SLC35F2: variants seen among roughly 807,000 people sequenced by gnomAD.
SLC35F2 encodes the protein solute carrier family 35 member F2, also known as queuine/queuosine transporter SLC35F2.
SLC35F2 carries 25 observed loss-of-function variants against 38.1 expected under a neutral mutation model. The observed-to-expected ratio is 0.66, with a 90% CI of 0.48 to 0.92. The LOEUF is 0.92. Among genes scored for constraint, SLC35F2 ranks in the 40% least tolerant of loss-of-function variants. The pLI, the probability that SLC35F2 is intolerant of heterozygous loss-of-function variation, is 0.00. For synonymous variants in SLC35F2, 173 were observed against 181.7 expected (o/e 0.95, Z 0.38); for missense variants, 409 against 452.9 (o/e 0.90, Z 0.88).
At chr11:107,830,583 C>CAAAAAAAAAAAA (rs66495434) in intron 1 of SLC35F2, among the ~76,000 whole-genome samples, 1 of 95,734 alleles carries the variant, frequency 1.0e-5, no homozygotes, top group Non-Finnish European at 2.1e-5. Flanking sequence ...GACTCAGTCT[C>CAAAAAAAAAAAA]AAAAAAAAAA....
Position 107,805,471 on chromosome 11 carries a change from A to G in SLC35F2, c.619T>C (p.Ser207Pro). 1.2e-6 allele frequency: 2 copies of G among 1,614,060 alleles called. No homozygotes were observed. The highest frequency in any genetic ancestry group is 1.7e-6 in the Non-Finnish European group (2 of 1,180,004). The change falls in exon 5 of 8, where the codon TCC (serine) becomes CCC (proline). Residue 207 changes from serine to proline, a missense_variant. By Grantham distance (74) the Ser-to-Pro change is moderately conservative. Coordinates refer to ENST00000525815, the MANE Select transcript of SLC35F2 (RefSeq NM_017515.5). ...CAAACATTTGAAATGGCATAGAGGG[A>G]AGCCCCAAGAAGGACCAAGATGTCA... ...IGDILVLLGA[S>P]LYAISNVCEE...
At chr11:107,809,389 G>A (rs1859446486) in intron 3 of SLC35F2, among the ~76,000 whole-genome samples, 1 of 147,264 alleles carries the variant, frequency 6.8e-6, no homozygotes, top group Non-Finnish European at 1.5e-5. Context: ...AGCTACTCAG[G>A]AGGCCAAGGC....
chr11:107,800,982 A>G (rs1160479133), intron 7 of SLC35F2, among the ~76,000 whole-genome samples: 1 of 146,922 alleles, frequency 6.8e-6, no homozygotes, highest in Non-Finnish European at 1.5e-5. Flanking sequence ...TTGGTTCACT[A>G]CAACCTCTGC....
chr11:107,836,227 CTTTT>C (rs1167010257), intron 1 of SLC35F2, among the ~76,000 whole-genome samples: 1,890 of 107,992 alleles, frequency 0.018, 48 homozygotes, highest in African/African-American at 0.082. Flanking sequence ...TACATTTTTT[CTTTT>C]TCTTTTTTGT....
chr11:107,792,872 T>C, intron 7 of SLC35F2, 72 bp from the exon 8 acceptor site: 1 of 1,444,352 alleles, frequency 6.9e-7, no homozygotes, highest in African/African-American at 1.5e-5. Context: ...TTGCCAACTG[T>C]GCTTCGAGGA....
chr11:107,858,541 C>A (rs1333305051), intron 1 of SLC35F2, 117 bp downstream of exon 1: 8 of 964,056 alleles, frequency 8.3e-6, no homozygotes, highest in Non-Finnish European at 9.6e-6. Context: ...TCCGTGCGGC[C>A]GCCACCTCTG....
At position 107,815,916 on chromosome 11, in the gene SLC35F2, A is replaced by C. The variant is rs199933743; in HGVS notation, c.160T>G (p.Cys54Gly). Residue 54 changes from cysteine (C) to glycine (G), a missense_variant, in exon 2 of 8, where the codon TGT becomes GGT. Cys to Gly is a radical substitution (Grantham distance 159). Transcript: ENST00000525815. ...TACTGGCTGGTGATGGCTGTCCCAC[A>C]TATACACAAGGACAACATCTGACCC... Reference protein sequence around the residue: ...ALGQMLSLCICGTAITSQYLA... With the variant: ...ALGQMLSLCIGGTAITSQYLA... 3.5e-5 allele frequency: 57 copies of C among 1,614,008 alleles called. No homozygotes were observed. In the African/African-American group the frequency reaches 6.8e-4, roughly 19 times the overall value.
intron 1 of SLC35F2, among the ~76,000 whole-genome samples, chr11:107,842,849 A>T (rs991516350): frequency 2.0e-5 from 3 of 152,236 alleles, no homozygotes; most frequent in Non-Finnish European, 1.5e-5. Context: ...TCAACAGGAG[A>T]TCTGCATAAG....
chr11:107,833,644 T>A (rs1414952868), intron 1 of SLC35F2, among the ~76,000 whole-genome samples: 2 of 152,114 alleles, frequency 1.3e-5, no homozygotes, highest in Non-Finnish European at 2.9e-5. Context: ...GCTAACCATG[T>A]TCCCTCCTAC....
rs1426627296 is a variant in SLC35F2 at position 107,803,038 on chromosome 11, T to C, written c.902A>G (p.Tyr301Cys). ...VNLGILTADL[Y>C]SLFVGLFLFG... ...CAGAAAGAGTCCAACAAAAAGGCTG[T>C]AGAGGTCCGCTGTCAGGATGCCCAG... Residue 301 changes from tyrosine (Y) to cysteine (C), a missense_variant, in exon 7 of 8, where the codon TAC (tyrosine) becomes TGC (cysteine). Physicochemically the swap from Tyr to Cys is radical, Grantham distance 194 (BLOSUM62 -2). Coordinates refer to ENST00000525815, the MANE Select transcript of SLC35F2 (RefSeq NM_017515.5). The C allele has an allele frequency of 6.2e-7, 1 of 1,613,922 alleles. No individual in the cohort carries two copies.
intron 7 of SLC35F2, among the ~76,000 whole-genome samples, chr11:107,794,799 A>C (rs370325907): frequency 6.6e-6 from 1 of 152,248 alleles, no homozygotes. Context: ...TTATATCCAG[A>C]AAAACCTAAA....
chr11:107,848,279 G>C (rs1441414314), intron 1 of SLC35F2, among the ~76,000 whole-genome samples: 4 of 152,016 alleles, frequency 2.6e-5, no homozygotes, highest in Non-Finnish European at 2.9e-5. Flanking sequence ...AGAAGAAAAA[G>C]GAGAGAAGGG....
At chr11:107,849,638 T>C (rs1249815393) in intron 1 of SLC35F2, among the ~76,000 whole-genome samples, 1 of 49,640 alleles carries the variant, frequency 2.0e-5, no homozygotes, top group Non-Finnish European at 4.4e-5. Flanking sequence ...GACTCCGTTT[T>C]GGGAAAAAAA....
intron 3 of SLC35F2, chr11:107,810,721 AAAAG>A (rs1461136033): frequency 5.1e-6 from 5 of 981,362 alleles, no homozygotes; most frequent in African/African-American, 1.8e-5. Context: ...AATGTTACAG[AAAAG>A]AAAGTAGTTA....
chr11:107,827,800 A>T (rs1859778356), intron 1 of SLC35F2, among the ~76,000 whole-genome samples: 1 of 151,650 alleles, frequency 6.6e-6, no homozygotes, highest in Admixed American at 6.6e-5. Context: ...AATCCCAACT[A>T]TCCAGGAAGC....
intron 5 of SLC35F2, chr11:107,805,029 T>C (rs757159783): frequency 2.0e-6 from 2 of 984,220 alleles, no homozygotes; most frequent in Non-Finnish European, 2.4e-6. Flanking sequence ...TATGCTTTGT[T>C]TTTGAATAAG....
At chr11:107,852,807 G>A (rs1257291431) in intron 1 of SLC35F2, among the ~76,000 whole-genome samples, 4 of 151,266 alleles carry the variant, frequency 2.6e-5, no homozygotes, top group East Asian at 3.9e-4. Context: ...CCCAGGAGGC[G>A]GAGGCTACAG....
intron 1 of SLC35F2, among the ~76,000 whole-genome samples, chr11:107,845,578 T>C (rs1198141310): frequency 5.3e-5 from 8 of 151,872 alleles, no homozygotes; most frequent in South Asian, 2.1e-4. Flanking sequence ...TTACCTGTGG[T>C]TTTTCATGGA....
rs55651908 is a variant in SLC35F2 at position 107,831,583 on chromosome 11, G to A, written c.111-15618C>T. The stretch of plus-strand genomic sequence containing the variant: ...ACAAAATTATCTTCGTGAAGTGGGG[G>A]GACATGTAATTTCTTTGCCCTTGTT... On this transcript the variant is annotated intron_variant, in intron 1 of 7. Coordinates refer to ENST00000525815, the MANE Select transcript of SLC35F2 (RefSeq NM_017515.5). 4.1e-3 allele frequency among the ~76,000 whole-genome samples: 626 copies of A among 152,194 alleles called. 3 individuals carry two copies. The highest frequency in any genetic ancestry group is 0.014 in the African/African-American group (596 of 41,528).
Sources: gnomAD v4.1 joint callset for allele counts (sites outside exome capture counted in the v4.1 genomes callset) on GRCh38, gnomAD v4.1.1 for gene constraint, MANE v1.5 for transcripts, NCBI Gene and HGNC (gene_info 2026-07-23, HGNC 2026-07-21) for gene names.